The following COG5 variants were observed in gnomAD, a reference collection of about 807,000 sequenced individuals.
COG5 encodes conserved oligomeric Golgi complex subunit 5.
COG5 carries 86 observed loss-of-function variants against 110.4 expected under a neutral mutation model. The ratio of observed to expected loss-of-function variants is 0.78; its 90% CI spans 0.65 to 0.93. COG5 has a LOEUF of 0.93. Among genes scored for constraint, COG5 ranks in the 40% least tolerant of loss-of-function variants. COG5 has a pLI of 0.00. For synonymous variants in COG5, 360 were observed against 334.6 expected (o/e 1.08, Z -0.83); for missense variants, 1,077 against 987.0 (o/e 1.09, Z -1.22).
intron 6 of COG5, among the ~76,000 whole-genome samples, chr7:107,454,218 A>G (rs940110170): frequency 6.6e-6 from 1 of 152,194 alleles, no homozygotes; most frequent in African/African-American, 2.4e-5. Flanking sequence ...CATGAATACA[A>G]TCCTTGAAAT....
chr7:107,503,350 G>A (rs1190385354), intron 6 of COG5, among the ~76,000 whole-genome samples: 1 of 151,948 alleles, frequency 6.6e-6, no homozygotes, highest in Admixed American at 6.6e-5. Flanking sequence ...TGTTTCATTG[G>A]GTCTATGTGC....
At chr7:107,541,407 G>A (rs1297658161) in intron 5 of COG5, among the ~76,000 whole-genome samples, 2 of 145,994 alleles carry the variant, frequency 1.4e-5, no homozygotes, top group African/African-American at 5.1e-5. Context: ...TGAGATGGGA[G>A]GATAGCTTGG....
chr7:107,425,391 C>T (rs1793576069), intron 6 of COG5, among the ~76,000 whole-genome samples: 1 of 150,678 alleles, frequency 6.6e-6, no homozygotes, highest in Admixed American at 6.6e-5. Flanking sequence ...TTATATCCTA[C>T]TCTCCTATGA....
intron 7 of COG5, among the ~76,000 whole-genome samples, chr7:107,388,243 T>G (rs1790350011): frequency 6.6e-6 from 1 of 152,234 alleles, no homozygotes; most frequent in Non-Finnish European, 1.5e-5. Context: ...CACACAACCC[T>G]GAATTTGGAA....
chr7:107,429,436 G>A (rs1307986368), intron 6 of COG5, among the ~76,000 whole-genome samples: 10 of 151,438 alleles, frequency 6.6e-5, no homozygotes, highest in Admixed American at 5.9e-4. Flanking sequence ...CTGGAGAAAC[G>A]CCTATATTCA....
rs762142699 is a variant in COG5, at chr7:107,283,576, T to C, written c.1470A>G (p.Ile490Met). The C allele has an allele frequency of 6.2e-7, 1 of 1,613,824 alleles. No homozygotes were observed. The highest frequency in any genetic ancestry group is 1.1e-5 in the South Asian group (1 of 91,084). The change falls in exon 13 of 22, where the codon ATA becomes ATG. Residue 490 changes from isoleucine to methionine, a missense_variant. By Grantham distance (10) the Ile-to-Met change is conservative. Transcript: ENST00000297135. ...ACTATATAAAAAATACATACCTTGC[T>C]ATAGTTTTAATAATACCATCAAGTT... is the stretch of plus-strand genomic sequence containing the variant. ...SDELDGIIKT[I>M]ASELNVAAVD...
At chr7:107,299,376 A>G (rs748269250) in intron 11 of COG5, among the ~76,000 whole-genome samples, 40 of 152,128 alleles carry the variant, frequency 2.6e-4, no homozygotes, top group Non-Finnish European at 5.0e-4. Context: ...GCAGATACTG[A>G]AAGGGTAATA....
rs1423864861 is a variant in COG5 at position 107,228,064 on chromosome 7, C to T, written c.2168+2551G>A. On this transcript the variant is annotated intron_variant, in intron 19 of 21. Transcript: ENST00000297135. ...CTTGTAATCCCAGCAGTCTGGGGGG[C>T]TGAGGCGGGCAGATAGCTTGAGCTC... is the stretch of plus-strand genomic sequence containing the variant. Among the ~76,000 whole-genome samples the T allele has an allele frequency of 2.0e-5, 3 of 152,092 alleles. No individual in the cohort carries two copies. The East Asian group carries it at 5.8e-4, about 29-fold the overall frequency.
chr7:107,399,582 C>A (rs1259561106), intron 7 of COG5, among the ~76,000 whole-genome samples: 1 of 152,142 alleles, frequency 6.6e-6, no homozygotes, highest in East Asian at 1.9e-4. Context: ...TTTCCTGAGG[C>A]CTCCCCAGTT....
chr7:107,519,278 GAAGAC>G (rs1412916134), intron 6 of COG5, among the ~76,000 whole-genome samples: 1 of 152,070 alleles, frequency 6.6e-6, no homozygotes, highest in African/African-American at 2.4e-5. Flanking sequence ...AAAGCTAGCA[GAAGAC>G]AAGAAATGAC....
intron 11 of COG5, among the ~76,000 whole-genome samples, chr7:107,304,184 T>C (rs1807512943): frequency 6.6e-6 from 1 of 152,180 alleles, no homozygotes; most frequent in Non-Finnish European, 1.5e-5. Flanking sequence ...CCCCACAGTT[T>C]CCAAAATGTG....
chr7:107,489,609 T>C (rs1797863920), intron 6 of COG5, among the ~76,000 whole-genome samples: 2 of 152,248 alleles, frequency 1.3e-5, no homozygotes, highest in African/African-American at 2.4e-5. Context: ...AAAAAATCTA[T>C]GTTTAGTGAG....
chr7:107,355,479 T>C (rs1812543231), intron 10 of COG5, among the ~76,000 whole-genome samples: 1 of 152,210 alleles, frequency 6.6e-6, no homozygotes, highest in South Asian at 2.1e-4. Context: ...CAATAATGTC[T>C]ACAGTAGCTT....
intron 21 of COG5, among the ~76,000 whole-genome samples, chr7:107,207,353 C>T (rs1451258344): frequency 1.3e-5 from 2 of 152,178 alleles, no homozygotes; most frequent in Non-Finnish European, 2.9e-5. Context: ...GAGGGAATGG[C>T]TTCCAGATTG....
intron 11 of COG5, among the ~76,000 whole-genome samples, chr7:107,299,819 T>C (rs1381958035): frequency 9.2e-6 from 1 of 109,066 alleles, no homozygotes; most frequent in East Asian, 2.4e-4. Flanking sequence ...CAGAAATTCA[T>C]AGTTGGCATA....
At chr7:107,483,057 C>A (rs964307250) in intron 6 of COG5, among the ~76,000 whole-genome samples, 2 of 152,110 alleles carry the variant, frequency 1.3e-5, no homozygotes, top group African/African-American at 4.8e-5. Flanking sequence ...AGGTTTGAAT[C>A]AAACATTTTT....
intron 6 of COG5, among the ~76,000 whole-genome samples, chr7:107,466,558 T>C (rs1013451951): frequency 6.6e-6 from 1 of 152,218 alleles, no homozygotes; most frequent in African/African-American, 2.4e-5. Context: ...GTTATTCTCA[T>C]ATAGAAAATG....
At chr7:107,392,954 A>G (rs1790732069) in intron 7 of COG5, among the ~76,000 whole-genome samples, 1 of 152,196 alleles carries the variant, frequency 6.6e-6, no homozygotes. Context: ...TGTCCATGGA[A>G]AAAATTCTTA....
chr7:107,370,983 A>G (rs1584740625), intron 8 of COG5, among the ~76,000 whole-genome samples: 1 of 152,108 alleles, frequency 6.6e-6, no homozygotes, highest in Middle Eastern at 3.4e-3. Flanking sequence ...CAGCACATGA[A>G]TAACTGCTTT....
Sources: gnomAD v4.1 joint callset for allele counts (sites outside exome capture counted in the v4.1 genomes callset) on GRCh38, gnomAD v4.1.1 for gene constraint, MANE v1.5 for transcripts, NCBI Gene and HGNC (gene_info 2026-07-23, HGNC 2026-07-21) for gene names.